TSPAN3: variants seen among roughly 807,000 people sequenced by gnomAD.
TSPAN3 encodes the protein tetraspanin-3.
TSPAN3 carries 9 observed loss-of-function variants against 31.1 expected under a neutral mutation model. The ratio of observed to expected loss-of-function variants is 0.29; its 90% CI spans 0.17 to 0.50. The LOEUF is 0.50. TSPAN3 is among the 20% of genes least tolerant of loss of function. The probability of loss-of-function intolerance (pLI) is 0.98; values close to 1 mark genes in which losing one functional copy is unlikely to be tolerated. For synonymous variants in TSPAN3, 129 were observed against 114.3 expected, an observed-to-expected ratio of 1.13 and a Z score of -0.82; for missense variants, 252 against 313.5, an observed-to-expected ratio of 0.80 and a Z score of 1.48.
intron 1 of TSPAN3, among the ~76,000 whole-genome samples, chr15:77,063,239 C>G (rs1028156048): frequency 6.6e-6 from 1 of 152,166 alleles, no homozygotes; most frequent in Non-Finnish European, 1.5e-5. Flanking sequence ...TTATCTAACA[C>G]AATTCTTTCA....
intron 6 of TSPAN3, among the ~76,000 whole-genome samples, chr15:77,051,150 C>T (rs1338931924): frequency 6.6e-6 from 1 of 152,148 alleles, no homozygotes; most frequent in East Asian, 1.9e-4. Flanking sequence ...TCCTACTCCT[C>T]GGTCTCCCAA....
intron 3 of TSPAN3, 106 bp downstream of exon 3, chr15:77,055,683 A>G (rs2076764214): frequency 1.1e-6 from 1 of 879,286 alleles, no homozygotes; most frequent in Non-Finnish European, 1.8e-6. Context: ...TTAAACAAGT[A>G]AGGCAAAAGA....
At chr15:77,050,594 A>G (rs1349976417) in intron 6 of TSPAN3, among the ~76,000 whole-genome samples, 2 of 152,248 alleles carry the variant, frequency 1.3e-5, no homozygotes, top group Non-Finnish European at 2.9e-5. Flanking sequence ...TTTCATGACC[A>G]CAAGTACCAT....
chr15:77,046,238 G>A lies in TSPAN3; in HGVS notation c.*597C>T, dbSNP rs1000441629. On this transcript the variant is annotated 3_prime_UTR_variant, in exon 7 of 7. Transcript: ENST00000267970. The stretch of plus-strand genomic sequence containing the variant: ...ATACTCCTCCTATAAAGCCAACTTT[G>A]ATTAAAAACCACTAGTTTCAAAGCT... 1 of 396,094 alleles carries A rather than the reference G, an allele frequency of 2.5e-6. No homozygotes were observed. Among genetic ancestry groups the A allele is most frequent in the Admixed American group, 4.4e-5 (1 of 22,668 alleles). 24.5% of individuals were successfully genotyped at this position (396,094 alleles called of 1,614,324 possible). A position where few individuals can be genotyped will look rare whatever the true frequency, so the allele number is the denominator to read the frequency against.
At position 77,071,086 on chromosome 15, in the gene TSPAN3, C is replaced by A; in HGVS notation, c.-132G>T. The A allele has an allele frequency of 1.4e-5, 7 of 511,504 alleles. No individual in the cohort carries two copies. Among genetic ancestry groups the A allele is most frequent in the South Asian group, 6.7e-5 (1 of 14,832 alleles). 31.7% of individuals were successfully genotyped at this position (511,504 alleles called of 1,614,324 possible). On this transcript the variant is annotated 5_prime_UTR_variant, in exon 1 of 7. Coordinates refer to ENST00000267970, the MANE Select transcript of TSPAN3 (RefSeq NM_005724.6). ...GCGCTCCCCGCAGCCCCTGCGCCGTCGCGCAGCCCCGACCCCAGCAAGTGC... is the reference window on the plus strand; with the variant it reads ...GCGCTCCCCGCAGCCCCTGCGCCGTAGCGCAGCCCCGACCCCAGCAAGTGC...
In TSPAN3 at chr15:77,043,874, T is replaced by C. The variant is rs887710962; in HGVS notation, c.*2961A>G. ...CTGAGGTATTAGGGGTAAAAGGCCA[T>C]GACAGGTGTGGAGGCAGCAGGAGGG... On this transcript the variant is annotated 3_prime_UTR_variant, in exon 7 of 7. Coordinates refer to ENST00000267970, the MANE Select transcript of TSPAN3 (RefSeq NM_005724.6). 17 of 152,136 alleles carry C rather than the reference T, an allele frequency of 1.1e-4. 1 individual carries two copies. The highest frequency in any genetic ancestry group is 1.0e-3 in the Admixed American group (16 of 15,254). The allele number at this position is 152,136 out of a possible 1,614,324, so 9.4% of individuals were successfully genotyped here. A position where few individuals can be genotyped will look rare whatever the true frequency, so the allele number is the denominator to read the frequency against.
chr15:77,060,190 T>G (rs1251077862), intron 1 of TSPAN3, among the ~76,000 whole-genome samples: 2 of 152,254 alleles, frequency 1.3e-5, no homozygotes, highest in East Asian at 3.8e-4. Context: ...AGGAACTTAC[T>G]AGTTGCACAC....
intron 6 of TSPAN3, among the ~76,000 whole-genome samples, chr15:77,048,268 A>G (rs1315440087): frequency 6.6e-6 from 1 of 152,232 alleles, no homozygotes; most frequent in African/African-American, 2.4e-5. Flanking sequence ...GAACAGCTAT[A>G]AACTCAAATG....
At chr15:77,054,135 C>A (rs751467918) in intron 4 of TSPAN3, 43 bp downstream of exon 4, 2 of 1,381,452 alleles carry the variant, frequency 1.4e-6, no homozygotes, top group Non-Finnish European at 2.1e-6. Flanking sequence ...TTGACCCAAT[C>A]GTGATTGGTC....
rs1465465604 is a variant in TSPAN3 at position 77,042,684 on chromosome 15, C to T, written c.*4151G>A. 6.6e-6 allele frequency: 1 copy of T among 152,114 alleles called. No homozygotes were observed. Among genetic ancestry groups the T allele is most frequent in the African/African-American group, 2.4e-5 (1 of 41,404 alleles). The allele number at this position is 152,114 out of a possible 1,614,324, so 9.4% of individuals were successfully genotyped here. ...CAAATGAGGAAGGAGTGCTGGGCTG[C>T]AGAAACGTCGCTTGGCAGTCATCAT... On this transcript the variant is annotated 3_prime_UTR_variant, in exon 7 of 7. Transcript: ENST00000267970.
intron 1 of TSPAN3, among the ~76,000 whole-genome samples, chr15:77,070,582 C>CG (rs146229066): frequency 0.011 from 1,623 of 149,180 alleles, 12 homozygotes; most frequent in Non-Finnish European, 0.012. Context: ...CCGGCGACTC[C>CG]GGGGGGGGGA....
chr15:77,066,571 C>CAAAAAAA (rs35737479), intron 1 of TSPAN3, among the ~76,000 whole-genome samples: 3 of 59,374 alleles, frequency 5.1e-5, no homozygotes, highest in East Asian at 6.6e-4. Context: ...GACTTCGTCT[C>CAAAAAAA]AAAAAAAAAA....
At chr15:77,056,347 C>T (rs945492187) in intron 1 of TSPAN3, 92 bp from the exon 2 acceptor site, 9 of 1,007,066 alleles carry the variant, frequency 8.9e-6, no homozygotes, top group South Asian at 2.1e-5. Context: ...TGAGAGTTAC[C>T]GTAACTGTTA....
At chr15:77,057,115 CAG>C (rs1417704251) in intron 1 of TSPAN3, among the ~76,000 whole-genome samples, 2 of 152,248 alleles carry the variant, frequency 1.3e-5, no homozygotes, top group Admixed American at 6.5e-5. Flanking sequence ...TCTCCAGCTG[CAG>C]AGTCTTACTT....
Position 77,043,103 on chromosome 15 carries a change from G to T in TSPAN3, c.*3732C>A, listed in dbSNP as rs565387752. The T allele has an allele frequency of 9.8e-5, 15 of 152,416 alleles. No individual in the cohort carries two copies. Among genetic ancestry groups the T allele is most frequent in the Admixed American group, 2.6e-4 (4 of 15,262 alleles). The allele number at this position is 152,416 out of a possible 1,614,324, so 9.4% of individuals were successfully genotyped here. A position where few individuals can be genotyped will look rare whatever the true frequency, so the allele number is the denominator to read the frequency against. On this transcript the variant is annotated 3_prime_UTR_variant, in exon 7 of 7. Coordinates refer to ENST00000267970, the MANE Select transcript of TSPAN3 (RefSeq NM_005724.6). The stretch of plus-strand genomic sequence containing the variant: ...GGGTCCCAGCAGCATTCCCCACCGT[G>T]ACAGCTCTCTGCTCCTGTGGCTTGG...
intron 1 of TSPAN3, among the ~76,000 whole-genome samples, chr15:77,060,599 A>C (rs1299520184): frequency 6.6e-6 from 1 of 152,168 alleles, no homozygotes; most frequent in East Asian, 1.9e-4. Flanking sequence ...CTATCAGAAA[A>C]GCTATATAAA....
chr15:77,059,270 G>A (rs879671222), intron 1 of TSPAN3, among the ~76,000 whole-genome samples: 13 of 152,146 alleles, frequency 8.5e-5, no homozygotes, highest in Non-Finnish European at 1.9e-4. Flanking sequence ...TTTTAGTGGA[G>A]ACGGGGTTTC....
chr15:77,057,525 T>C (rs927877221), intron 1 of TSPAN3, among the ~76,000 whole-genome samples: 1 of 152,200 alleles, frequency 6.6e-6, no homozygotes, highest in Non-Finnish European at 1.5e-5. Context: ...TTTATGTAAA[T>C]TTGGGAAAGT....
chr15:77,063,462 C>T (rs1221498858), intron 1 of TSPAN3: 1 of 151,960 alleles, frequency 6.6e-6, no homozygotes, highest in Non-Finnish European at 1.5e-5. Context: ...ATCCTCTCAT[C>T]TCAGTCTTAC....
Sources: allele counts gnomAD v4.1 joint callset (sites outside exome capture counted in the v4.1 genomes callset), GRCh38; gene constraint gnomAD v4.1.1; transcripts MANE v1.5; gene names NCBI Gene and HGNC (gene_info 2026-07-23, HGNC 2026-07-21).